The following SPIDR variants were observed in gnomAD, a reference collection of about 807,000 sequenced individuals.
SPIDR encodes scaffold protein involved in DNA repair.
In SPIDR, 93 loss-of-function variants were observed where a neutral mutation model predicts 104.6. The observed-to-expected ratio is 0.89, with a 90% CI of 0.75 to 1.06. The LOEUF is 1.06. SPIDR is among the 50% of genes least tolerant of loss of function. The pLI is 0.00. For synonymous variants in SPIDR, 431 were observed against 416.9 expected, an observed-to-expected ratio of 1.03 and a Z score of -0.41; for missense variants, 1,154 against 1,111.2, an observed-to-expected ratio of 1.04 and a Z score of -0.55.
intron 10 of SPIDR, among the ~76,000 whole-genome samples, chr8:47,607,042 C>T (rs935147362): frequency 6.6e-6 from 1 of 152,204 alleles, no homozygotes; most frequent in Non-Finnish European, 1.5e-5. Context: ...AATGACTATT[C>T]ATCCATCTGC....
At chr8:47,364,665 A>G (rs549833808) in intron 5 of SPIDR, among the ~76,000 whole-genome samples, 40 of 152,270 alleles carry the variant, frequency 2.6e-4, no homozygotes, top group African/African-American at 9.1e-4. Context: ...AAATCTTACT[A>G]TGATTTGAGG....
chr8:47,470,565 C>T (rs1008667590), intron 8 of SPIDR, among the ~76,000 whole-genome samples: 1 of 151,982 alleles, frequency 6.6e-6, no homozygotes, highest in Admixed American at 6.6e-5. Flanking sequence ...CAGTTACGAG[C>T]TACCACGCCT....
chr8:47,528,892 A>C (rs1346482061), intron 8 of SPIDR, among the ~76,000 whole-genome samples: 1 of 152,218 alleles, frequency 6.6e-6, no homozygotes, highest in African/African-American at 2.4e-5. Flanking sequence ...GAATTTTTCC[A>C]AATTAATGAT....
At chr8:47,558,468 G>A (rs1338394483) in intron 8 of SPIDR, among the ~76,000 whole-genome samples, 1 of 151,978 alleles carries the variant, frequency 6.6e-6, no homozygotes, top group Non-Finnish European at 1.5e-5. Context: ...TATATCTTGA[G>A]TCTTTTTGTA....
chr8:47,290,761 C>T (rs1300879475), intron 3 of SPIDR, among the ~76,000 whole-genome samples: 1 of 152,078 alleles, frequency 6.6e-6, no homozygotes, highest in Admixed American at 6.6e-5. Flanking sequence ...CTTATTTTTC[C>T]GGTTTTCATT....
At chr8:47,610,749 C>T (rs1012244311) in intron 10 of SPIDR, among the ~76,000 whole-genome samples, 5 of 152,246 alleles carry the variant, frequency 3.3e-5, no homozygotes, top group Non-Finnish European at 5.9e-5. Flanking sequence ...GAGGATTATA[C>T]ATGAACAGAT....
chr8:47,319,793 C>G (rs2154260968), intron 5 of SPIDR, among the ~76,000 whole-genome samples: 1 of 152,208 alleles, frequency 6.6e-6, no homozygotes, highest in East Asian at 1.9e-4. Context: ...TTAAGAAACT[C>G]ACTCAAAACT....
rs76735006 is a variant in SPIDR, at chr8:47,383,640, T to C, written c.526-12736T>C. Among the ~76,000 whole-genome samples, 707 of 152,210 alleles carry C rather than the reference T, an allele frequency of 4.6e-3. 6 individuals carry two copies. Among genetic ancestry groups the C allele is most frequent in the Middle Eastern group, 0.01 (3 of 294 alleles). On this transcript the variant is annotated intron_variant, in intron 5 of 19. Coordinates refer to ENST00000297423, the MANE Select transcript of SPIDR (RefSeq NM_001080394.4). The stretch of plus-strand genomic sequence containing the variant: ...CAAGTTCATCATCATTCTAAGAAAA[T>C]AGATTTAGAGCGTTGTCGCCACTGC...
chr8:47,525,103 A>G (rs972461330), intron 8 of SPIDR, among the ~76,000 whole-genome samples: 3 of 152,162 alleles, frequency 2.0e-5, no homozygotes, highest in Non-Finnish European at 4.4e-5. Flanking sequence ...TTGCTTGAAA[A>G]CTGAATCTGG....
chr8:47,643,106 C>A (rs985143060), intron 10 of SPIDR, among the ~76,000 whole-genome samples: 1 of 152,136 alleles, frequency 6.6e-6, no homozygotes. Context: ...GTCTTCTCAG[C>A]TAACATCTTA....
chr8:47,556,210 G>A (rs1047139341), intron 8 of SPIDR, among the ~76,000 whole-genome samples: 4 of 152,210 alleles, frequency 2.6e-5, no homozygotes. Flanking sequence ...GAGATCTGAA[G>A]ATAGCTGGCT....
chr8:47,278,218 G>A (rs897970435), intron 1 of SPIDR, among the ~76,000 whole-genome samples: 1 of 151,410 alleles, frequency 6.6e-6, no homozygotes, highest in Non-Finnish European at 1.5e-5. Context: ...GGAATTCAGT[G>A]GCACAATCAG....
At chr8:47,504,061 G>T (rs1230472721) in intron 8 of SPIDR, among the ~76,000 whole-genome samples, 1 of 152,144 alleles carries the variant, frequency 6.6e-6, no homozygotes, top group Non-Finnish European at 1.5e-5. Flanking sequence ...TCTGGGTGCT[G>T]TTAACGTTTT....
At chr8:47,535,034 A>G (rs1004808954) in intron 8 of SPIDR, among the ~76,000 whole-genome samples, 21 of 152,200 alleles carry the variant, frequency 1.4e-4, no homozygotes, top group Admixed American at 2.6e-4. Context: ...CCACAAATTC[A>G]TTAACCTAGT....
intron 5 of SPIDR, among the ~76,000 whole-genome samples, chr8:47,349,076 A>C (rs1379727650): frequency 6.6e-6 from 1 of 152,164 alleles, no homozygotes; most frequent in Non-Finnish European, 1.5e-5. Context: ...GTTTCTCCCC[A>C]ACTTTGTGGT....
intron 8 of SPIDR, among the ~76,000 whole-genome samples, chr8:47,540,835 TTTTAC>T (rs2154390973): frequency 6.6e-6 from 1 of 152,298 alleles, no homozygotes; most frequent in East Asian, 1.9e-4. Flanking sequence ...ATTTTTCTGA[TTTTAC>T]TTTATTGAAA....
chr8:47,549,817 G>A (rs2090142352), intron 8 of SPIDR, among the ~76,000 whole-genome samples: 1 of 152,186 alleles, frequency 6.6e-6, no homozygotes, highest in African/African-American at 2.4e-5. Flanking sequence ...TGCTTTGGGT[G>A]TTTTAGTCAT....
At chr8:47,591,311 AT>A (rs1374450785) in intron 8 of SPIDR, among the ~76,000 whole-genome samples, 1 of 149,828 alleles carries the variant, frequency 6.7e-6, no homozygotes, top group African/African-American at 2.5e-5. Context: ...TAGATATTTT[AT>A]TGCTTGCTCT....
intron 8 of SPIDR, among the ~76,000 whole-genome samples, chr8:47,490,805 T>C (rs2078569789): frequency 6.6e-6 from 1 of 151,894 alleles, no homozygotes; most frequent in South Asian, 2.1e-4. Flanking sequence ...ATGAGAACAC[T>C]TGGACACAGG....
Sources: gnomAD v4.1 joint callset for allele counts (sites outside exome capture counted in the v4.1 genomes callset) on GRCh38, gnomAD v4.1.1 for gene constraint, MANE v1.5 for transcripts, NCBI Gene and HGNC (gene_info 2026-07-23, HGNC 2026-07-21) for gene names.